Variants in CDK6 observed in about 807,000 individuals in gnomAD.
CDK6 encodes the protein cyclin-dependent kinase 6.
CDK6 carries 6 observed loss-of-function variants against 37.1 expected under a neutral mutation model. The observed-to-expected ratio is 0.16, with a 90% CI of 0.09 to 0.32. The LOEUF is 0.32. Ranked by LOEUF, CDK6 falls within the 10% of genes least tolerant of loss-of-function variation. The pLI is 1.00. For synonymous variants in CDK6, 160 were observed against 161.3 expected, an observed-to-expected ratio of 0.99 and a Z score of 0.06; for missense variants, 224 against 418.9, an observed-to-expected ratio of 0.53 and a Z score of 4.06.
At chr7:92,760,412 T>C (rs1263864206) in intron 3 of CDK6, among the ~76,000 whole-genome samples, 1 of 152,204 alleles carries the variant, frequency 6.6e-6, no homozygotes, top group African/African-American at 2.4e-5. Flanking sequence ...TGTCCCTTTG[T>C]GTTGCCTAAG....
At chr7:92,753,415 A>G (rs1369029861) in intron 3 of CDK6, among the ~76,000 whole-genome samples, 1 of 151,200 alleles carries the variant, frequency 6.6e-6, no homozygotes, top group Non-Finnish European at 1.5e-5. Context: ...AATTTCTCAG[A>G]ATCTACACAT....
At chr7:92,817,462 A>C (rs1801059216) in intron 2 of CDK6, among the ~76,000 whole-genome samples, 2 of 151,908 alleles carry the variant, frequency 1.3e-5, no homozygotes, top group Non-Finnish European at 2.9e-5. Flanking sequence ...AATCATGAAA[A>C]ACTCTCTAAG....
chr7:92,629,172 A>G (rs1795997522), intron 5 of CDK6, among the ~76,000 whole-genome samples: 1 of 152,060 alleles, frequency 6.6e-6, no homozygotes, highest in Non-Finnish European at 1.5e-5. Flanking sequence ...CCAGACTGAT[A>G]GGAAAAAACC....
chr7:92,674,630 T>C (rs960146477), intron 4 of CDK6, among the ~76,000 whole-genome samples: 1 of 152,222 alleles, frequency 6.6e-6, no homozygotes, highest in Non-Finnish European at 1.5e-5. Flanking sequence ...AACACTTCTT[T>C]GCTTCCCTGA....
chr7:92,833,796 T>C lies in CDK6; in HGVS notation c.-367-106A>G. 7.4e-6 allele frequency: 3 copies of C among 404,638 alleles called. No homozygotes were observed. The highest frequency in any genetic ancestry group is 1.3e-5 in the Non-Finnish European group (3 of 230,476). The allele number at this position is 404,638 out of a possible 1,614,324, so 25.1% of individuals were successfully genotyped here. On this transcript the variant is annotated intron_variant, in intron 1 of 7. Coordinates refer to ENST00000424848, the MANE Select transcript of CDK6 (RefSeq NM_001145306.2). The surrounding 1 kb of genome is among the most constrained non-coding windows in gnomAD (Gnocchi z 6.1). ...CTCCTCCTCCTTTACGAAGCCTCCATCGCTACCCTCCGCGCGCTCCTGCCC... is the reference window on the plus strand; with the variant it reads ...CTCCTCCTCCTTTACGAAGCCTCCACCGCTACCCTCCGCGCGCTCCTGCCC...
At position 92,614,674 on chromosome 7, in the gene CDK6, A is replaced by G; in HGVS notation, c.*466T>C. 1 of 233,094 alleles carries G rather than the reference A, an allele frequency of 4.3e-6. No individual in the cohort carries two copies. The highest frequency in any genetic ancestry group is 8.4e-6 in the Non-Finnish European group (1 of 119,386). 14.4% of individuals were successfully genotyped at this position (233,094 alleles called of 1,614,324 possible). A position where few individuals can be genotyped will look rare whatever the true frequency, so the allele number is the denominator to read the frequency against. On this transcript the variant is annotated 3_prime_UTR_variant, in exon 8 of 8. Transcript: ENST00000424848. ...GTCGTTTACAAAAAGTAACACTTTA[A>G]AAGATCACAGAATCTCTCACATACA...
At chr7:92,806,128 C>T (rs1463977789) in intron 2 of CDK6, among the ~76,000 whole-genome samples, 2 of 152,082 alleles carry the variant, frequency 1.3e-5, no homozygotes, top group Non-Finnish European at 2.9e-5. Flanking sequence ...TTATTTACCA[C>T]AATAAAATAA....
At chr7:92,765,243 G>A (rs557318977) in intron 3 of CDK6, among the ~76,000 whole-genome samples, 9 of 152,048 alleles carry the variant, frequency 5.9e-5, no homozygotes, top group Non-Finnish European at 1.0e-4. Flanking sequence ...TCTCTTCACT[G>A]AGCTTAGTTC....
At chr7:92,827,790 A>T (rs939601209) in intron 2 of CDK6, among the ~76,000 whole-genome samples, 1 of 152,214 alleles carries the variant, frequency 6.6e-6, no homozygotes, top group Admixed American at 6.5e-5. Flanking sequence ...GTGTTCTGTT[A>T]CATCAAGAAG....
chr7:92,800,919 G>C (rs552972576), intron 2 of CDK6, among the ~76,000 whole-genome samples: 6 of 152,076 alleles, frequency 3.9e-5, no homozygotes, highest in Non-Finnish European at 7.4e-5. Flanking sequence ...TCCTCAGCCT[G>C]GTGAGTATCA....
In CDK6 at chr7:92,774,659, C is replaced by T. The variant is rs764929538; in HGVS notation, c.369+37G>A. The T allele has an allele frequency of 2.9e-5, 44 of 1,537,174 alleles. 1 individual carries two copies. The South Asian group carries it at 4.2e-4, about 15-fold the overall frequency. ...CCATTGCTTAACAGACTATAATAGTCGACTGCCTGATAAGACATGAAGATG... is the reference window on the plus strand; with the variant it reads ...CCATTGCTTAACAGACTATAATAGTTGACTGCCTGATAAGACATGAAGATG... On this transcript the variant is annotated intron_variant, in intron 3 of 7. Coordinates refer to ENST00000424848, the MANE Select transcript of CDK6 (RefSeq NM_001145306.2).
In CDK6 at chr7:92,608,025, A is replaced by G. The variant is rs980782868; in HGVS notation, c.*7115T>C. 3 of 233,290 alleles carry G rather than the reference A, an allele frequency of 1.3e-5. No individual in the cohort carries two copies. Among genetic ancestry groups the G allele is most frequent in the African/African-American group, 6.6e-5 (3 of 45,346 alleles). 14.5% of individuals were successfully genotyped at this position (233,290 alleles called of 1,614,324 possible). ...GCTGATACATATTATTGCATTTCAT[A>G]AAACTTAAGATTAGAAACTTTCAAG... On this transcript the variant is annotated 3_prime_UTR_variant, in exon 8 of 8. Coordinates refer to ENST00000424848, the MANE Select transcript of CDK6 (RefSeq NM_001145306.2).
In CDK6 at chr7:92,833,231, G is replaced by A. The variant is rs1023638675; in HGVS notation, c.93C>T (p.Arg31=). ...EGAYGKVFKA[R]DLKNGGRFVA... ...CGAAACGGCCTCCGTTCTTCAAGTC[G>A]CGGGCCTTGAACACCTTCCCATAGG... Residue 31 remains arginine (R), a synonymous_variant, in exon 2 of 8, where the codon CGC becomes CGT. Transcript: ENST00000424848. The surrounding 1 kb of genome is among the most constrained non-coding windows in gnomAD (Gnocchi z 6.1). 1.2e-6 allele frequency: 2 copies of A among 1,610,750 alleles called. No homozygotes were observed. Among genetic ancestry groups the A allele is most frequent in the Non-Finnish European group, 8.5e-7 (1 of 1,179,086 alleles).
chr7:92,777,644 A>G (rs951508280), intron 2 of CDK6, among the ~76,000 whole-genome samples: 2 of 152,128 alleles, frequency 1.3e-5, no homozygotes, highest in African/African-American at 4.8e-5. Context: ...GCCTTGTAGT[A>G]TAGTTTAAAG....
At chr7:92,804,676 A>C (rs970544209) in intron 2 of CDK6, among the ~76,000 whole-genome samples, 1 of 152,168 alleles carries the variant, frequency 6.6e-6, no homozygotes, top group African/African-American at 2.4e-5. Context: ...GTTGTTAACT[A>C]GTGTCTTTTT....
At chr7:92,816,892 A>G (rs1801043111) in intron 2 of CDK6, among the ~76,000 whole-genome samples, 1 of 151,968 alleles carries the variant, frequency 6.6e-6, no homozygotes, top group Non-Finnish European at 1.5e-5. Flanking sequence ...TATTCTACAG[A>G]CATTAAAAAA....
intron 5 of CDK6, among the ~76,000 whole-genome samples, chr7:92,664,014 G>A (rs368252853): frequency 5.8e-4 from 88 of 152,002 alleles, no homozygotes; most frequent in African/African-American, 1.9e-3. Context: ...GGGGGCAGGC[G>A]CCTGTAGTCC....
chr7:92,681,889 T>C (rs1225048381), intron 4 of CDK6, among the ~76,000 whole-genome samples: 2 of 152,160 alleles, frequency 1.3e-5, no homozygotes, highest in Non-Finnish European at 2.9e-5. Context: ...GACCCACAAA[T>C]CCAACTGTCT....
chr7:92,811,870 G>A (rs1210436732), intron 2 of CDK6, among the ~76,000 whole-genome samples: 2 of 152,120 alleles, frequency 1.3e-5, no homozygotes, highest in African/African-American at 4.8e-5. Context: ...ACACTTAAAA[G>A]GGCGAGGCGC....
Sources: allele counts gnomAD v4.1 joint callset (sites outside exome capture counted in the v4.1 genomes callset), GRCh38; gene constraint gnomAD v4.1.1; non-coding constraint Gnocchi (gnomAD v3.1); transcripts MANE v1.5; gene names NCBI Gene and HGNC (gene_info 2026-07-23, HGNC 2026-07-21).